The following SLC4A11 variants were observed in gnomAD, a reference collection of about 807,000 sequenced individuals.
SLC4A11 encodes the protein bicarbonate transporter related protein 1.
SLC4A11 carries 74 observed loss-of-function variants against 95.0 expected under a neutral mutation model. The observed-to-expected ratio is 0.78, with a 90% CI of 0.65 to 0.95. The LOEUF (loss-of-function observed/expected upper bound fraction) is 0.95. Among genes scored for constraint, SLC4A11 ranks in the 40% least tolerant of loss-of-function variants. The probability of loss-of-function intolerance (pLI) is 0.00; values close to 1 mark genes in which losing one functional copy is unlikely to be tolerated. For synonymous variants in SLC4A11, 548 were observed against 519.0 expected, an observed-to-expected ratio of 1.06 and a Z score of -0.76; for missense variants, 1,081 against 1,192.4, an observed-to-expected ratio of 0.91 and a Z score of 1.38.
chr20:3,228,826 C>T lies in SLC4A11; in HGVS notation c.2192+12G>A. 2.5e-6 allele frequency: 4 copies of T among 1,613,702 alleles called. No homozygotes were observed. The highest frequency in any genetic ancestry group is 3.4e-6 in the Non-Finnish European group (4 of 1,180,024). ...CCTCAGGGTCCACGGCTCTTGCCAG[C>T]CTCACACTCACGTGTCATAGATGTG... On this transcript the variant is annotated intron_variant, in intron 17 of 19. Coordinates refer to ENST00000642402, the MANE Select transcript of SLC4A11 (RefSeq NM_001174089.2).
Position 3,236,313 on chromosome 20 carries a change from G to C in SLC4A11, c.88+1231C>G, listed in dbSNP as rs540868754. ...CCAGAGCCCAGAGAAGAAATATTAG[G>C]TCAAAAGACATCCTTGCCTTTGGGA... On this transcript the variant is annotated intron_variant, in intron 2 of 19. Coordinates refer to ENST00000642402, the MANE Select transcript of SLC4A11 (RefSeq NM_001174089.2). 7.9e-4 allele frequency among the ~76,000 whole-genome samples: 120 copies of C among 152,158 alleles called. 1 individual carries two copies. Among genetic ancestry groups the C allele is most frequent in the Non-Finnish European group, 1.6e-3 (107 of 68,032 alleles).
chr20:3,228,882 C>A lies in SLC4A11; in HGVS notation c.2148G>T (p.Leu716=), dbSNP rs768812195. 3 of 1,613,826 alleles carry A rather than the reference C, an allele frequency of 1.9e-6. No homozygotes were observed. In the Admixed American group the frequency reaches 5.0e-5, roughly 27 times the overall value. The change falls in exon 17 of 20, where the codon CTG becomes CTT. Residue 716 remains leucine, a synonymous_variant. Coordinates refer to ENST00000642402, the MANE Select transcript of SLC4A11 (RefSeq NM_001174089.2). The part of the protein sequence containing the change: ...YPHSPLHVRA[L]ALVEERVENG... ...TCTCCACACGCTCCTCCACTAAGGC[C>A]AGGGCTCGCACGTGCAGCGGGGAGT... is the stretch of plus-strand genomic sequence containing the variant.
At position 3,228,561 on chromosome 20, in the gene SLC4A11, A is replaced by G; in HGVS notation, c.2339T>C (p.Leu780Pro). ...GLFLYIALTS[L>P]DGNQLVQRVA... ...GCGCTGGACGAGCTGGTTGCCATCG[A>G]GGGAGGTGAGCGCGATGTAGAGGAA... Residue 780 changes from leucine (L) to proline (P), a missense_variant, in exon 18 of 20, where the codon CTC (leucine) becomes CCC (proline). This residue lies in a region of SLC4A11 where 767 missense variants were observed against 858.0 expected (regional missense o/e 0.89). Transcript: ENST00000642402. 2 of 1,613,146 alleles carry G rather than the reference A, an allele frequency of 1.2e-6. No individual in the cohort carries two copies. The highest frequency in any genetic ancestry group is 1.7e-6 in the Non-Finnish European group (2 of 1,179,936).
intron 7 of SLC4A11, among the ~76,000 whole-genome samples, chr20:3,232,109 A>G (rs1483635952): frequency 6.6e-6 from 1 of 152,228 alleles, no homozygotes; most frequent in Non-Finnish European, 1.5e-5. Flanking sequence ...CTTTTGTCCT[A>G]AGCAACAAAA....
intron 13 of SLC4A11, 46 bp from the exon 14 acceptor site, chr20:3,229,822 AGG>A: frequency 6.2e-7 from 1 of 1,612,998 alleles, no homozygotes. Flanking sequence ...AGCGTGTGGC[AGG>A]GGGAGGCCCT....
In SLC4A11 at chr20:3,234,141, G is replaced by A. The variant is rs544120340; in HGVS notation, c.465C>T (p.Asn155=). 2 of 1,614,130 alleles carry A rather than the reference G, an allele frequency of 1.2e-6. No homozygotes were observed. Among genetic ancestry groups the A allele is most frequent in the Admixed American group, 1.7e-5 (1 of 60,032 alleles). ...AGAGCATGGCCATGAGCAGGTCCAG[G>A]TTGCAGTTGGGCTCATTGTTGTCAG... is the stretch of plus-strand genomic sequence containing the variant. ...RDPDNNEPNC[N]LDLLMAMLFT... Residue 155 remains asparagine (N), a synonymous_variant, in exon 5 of 20, where the codon AAC becomes AAT. Coordinates refer to ENST00000642402, the MANE Select transcript of SLC4A11 (RefSeq NM_001174089.2). The surrounding 1 kb of genome is among the most constrained non-coding windows in gnomAD (Gnocchi z 5.8).
rs200879869 is a variant in SLC4A11, at chr20:3,228,674, C to T, written c.2226G>A (p.Ser742=). The change falls in exon 18 of 20, where the codon TCG becomes TCA. Residue 742 remains serine (S), a synonymous_variant. Transcript: ENST00000642402. ...IVNVKETRLT[S]LGASVLVGLS... ...GGCCCACCAGGACGCTGGCGCCCAG[C>T]GAGGTCAGCCGCGTCTCCTTCACGT... 3.7e-4 allele frequency: 591 copies of T among 1,612,784 alleles called. 2 individuals carry two copies. The highest frequency in any genetic ancestry group is 4.3e-4 in the South Asian group (39 of 91,078).
upstream of SLC4A11, chr20:3,239,270 C>T: frequency 1.7e-6 from 2 of 1,203,698 alleles, no homozygotes; most frequent in East Asian, 3.6e-5. Flanking sequence ...GGTCCTAATG[C>T]CGCTCAGACG....
At chr20:3,230,340 G>A in intron 12 of SLC4A11, 80 bp from the exon 13 acceptor site, 2 of 1,578,984 alleles carry the variant, frequency 1.3e-6, no homozygotes, top group Non-Finnish European at 1.7e-6. Flanking sequence ...CCCCTGCACA[G>A]TCCCCTGCCT....
chr20:3,231,137 G>A lies in SLC4A11; in HGVS notation c.1042+12C>T. The A allele has an allele frequency of 6.2e-7, 1 of 1,614,172 alleles. No individual in the cohort carries two copies. The highest frequency in any genetic ancestry group is 8.5e-7 in the Non-Finnish European group (1 of 1,180,040). On this transcript the variant is annotated intron_variant, in intron 9 of 19. Coordinates refer to ENST00000642402, the MANE Select transcript of SLC4A11 (RefSeq NM_001174089.2). This position sits in a 1 kb window ranked among gnomAD's most constrained non-coding sequence, Gnocchi z 5.2. ...GTGTGGGCCCAAGGCCTGGAAAGCA[G>A]AGGCCACGTACCATCAGTGAAGTCC... is the stretch of plus-strand genomic sequence containing the variant.
chr20:3,239,286 C>T (rs1320467736), upstream of SLC4A11: 4 of 1,185,470 alleles, frequency 3.4e-6, no homozygotes, highest in African/African-American at 4.8e-5. Context: ...AGACGCCGCG[C>T]CCGGGCGCGG....
At chr20:3,232,698 G>A (rs1568538280) in intron 7 of SLC4A11, among the ~76,000 whole-genome samples, 1 of 152,228 alleles carries the variant, frequency 6.6e-6, no homozygotes, top group Non-Finnish European at 1.5e-5. Context: ...GGGTGACAGA[G>A]TGAGACTCTG....
At chr20:3,230,347 G>C (rs2067714635) in intron 12 of SLC4A11, 87 bp from the exon 13 acceptor site, 1 of 1,574,588 alleles carries the variant, frequency 6.4e-7, no homozygotes, top group Non-Finnish European at 8.7e-7. Context: ...ACAGTCCCCT[G>C]CCTCCCCCTG....
At chr20:3,235,728 T>A (rs887209233) in intron 2 of SLC4A11, among the ~76,000 whole-genome samples, 1 of 151,938 alleles carries the variant, frequency 6.6e-6, no homozygotes, top group Admixed American at 6.6e-5. Context: ...CAAATATTCC[T>A]CTGCCCTGAG....
chr20:3,233,517 C>G lies in SLC4A11; in HGVS notation c.726G>C (p.Lys242Asn). Residue 242 changes from lysine (K) to asparagine (N), a missense_variant, in exon 7 of 20, where the codon AAG becomes AAC. Physicochemically the swap from Lys to Asn is moderately conservative, Grantham distance 94. Coordinates refer to ENST00000642402, the MANE Select transcript of SLC4A11 (RefSeq NM_001174089.2). The part of the protein sequence containing the change: ...RFVILVLAPP[K>N]MKSTKTAMEV... Reference sequence around the variant, plus strand: ...GGACACGGCACTACCCACTCACCATCTTGGGTGGGGCCAGCACCAGGATGA... The same window carrying G: ...GGACACGGCACTACCCACTCACCATGTTGGGTGGGGCCAGCACCAGGATGA... 1 of 1,613,732 alleles carries G rather than the reference C, an allele frequency of 6.2e-7. No homozygotes were observed. Among genetic ancestry groups the G allele is most frequent in the Non-Finnish European group, 8.5e-7 (1 of 1,179,984 alleles).
rs2067573166 is a variant in SLC4A11 at position 3,227,609 on chromosome 20, A to G, written c.*178T>C. On this transcript the variant is annotated 3_prime_UTR_variant, in exon 20 of 20. Transcript: ENST00000642402. ...GCCTAAAGCTAAAGGATAATGGGAG[A>G]GGGGTGGGCACATACCACTGCACCC... The G allele has an allele frequency of 6.0e-6, 4 of 668,974 alleles. No homozygotes were observed. The highest frequency in any genetic ancestry group is 1.1e-5 in the Non-Finnish European group (4 of 374,446). The allele number at this position is 668,974 out of a possible 1,614,324, so 41.4% of individuals were successfully genotyped here.
Position 3,227,535 on chromosome 20 carries a change from G to A in SLC4A11, c.*252C>T. 1.8e-6 allele frequency: 1 copy of A among 564,162 alleles called. No individual in the cohort carries two copies. The highest frequency in any genetic ancestry group is 3.2e-6 in the Non-Finnish European group (1 of 313,336). The allele number at this position is 564,162 out of a possible 1,614,324, so 34.9% of individuals were successfully genotyped here. On this transcript the variant is annotated 3_prime_UTR_variant, in exon 20 of 20. Coordinates refer to ENST00000642402, the MANE Select transcript of SLC4A11 (RefSeq NM_001174089.2). ...CTTTTATCAAAAGAAAATCCATCCT[G>A]CTCAGTCCCACCCACCCTGGGCAGA...
chr20:3,229,272 G>A lies in SLC4A11; in HGVS notation c.1850-9C>T. On this transcript the variant is annotated splice_polypyrimidine_tract_variant and intron_variant, in intron 15 of 19. Coordinates refer to ENST00000642402, the MANE Select transcript of SLC4A11 (RefSeq NM_001174089.2). ...GTAGCGGAACTTGCTCACTGCAGTA[G>A]GGGACAGGCTACTGCTATGCCTGCA... 6.2e-7 allele frequency: 1 copy of A among 1,613,096 alleles called. No individual in the cohort carries two copies. Among genetic ancestry groups the A allele is most frequent in the Non-Finnish European group, 8.5e-7 (1 of 1,180,002 alleles).
rs1439533894 is a variant in SLC4A11, at chr20:3,229,420, AG to A, written c.1774del (p.Leu592CysfsTer26). ...PYLHPCVREI[L>X]SDCALPIAVL... ...CGCGATGGGCAGGGCGCAGTCGGAC[AG>A]GATCTCTCGCACGCAGGGGTGCAGG... On this transcript the variant is annotated frameshift_variant, in exon 15 of 20. Coordinates refer to ENST00000642402, the MANE Select transcript of SLC4A11 (RefSeq NM_001174089.2). LOFTEE classifies it high-confidence loss of function. 6.2e-7 allele frequency: 1 copy of A among 1,613,244 alleles called. No individual in the cohort carries two copies. Among genetic ancestry groups the A allele is most frequent in the African/African-American group, 1.3e-5 (1 of 74,954 alleles).
Sources: gnomAD v4.1 joint callset for allele counts (sites outside exome capture counted in the v4.1 genomes callset) on GRCh38, gnomAD v4.1.1 for gene constraint, gnomAD v4.1.1 regional missense constraint, Gnocchi (gnomAD v3.1) non-coding constraint, MANE v1.5 for transcripts, NCBI Gene and HGNC (gene_info 2026-07-23, HGNC 2026-07-21) for gene names.